ARHGAP10: variants seen among roughly 807,000 people sequenced by gnomAD.
ARHGAP10 encodes the protein rho GTPase-activating protein 10.
Under a neutral mutation model 108.6 loss-of-function variants are expected in ARHGAP10, and 87 were observed. The ratio of observed to expected loss-of-function variants is 0.80; its 90% confidence interval spans 0.67 to 0.96. The LOEUF is 0.96. ARHGAP10 is among the 40% of genes least tolerant of loss of function. ARHGAP10 has a pLI of 0.00. For synonymous variants in ARHGAP10, 347 were observed against 341.1 expected (o/e 1.02, Z -0.19); for missense variants, 939 against 954.5 (o/e 0.98, Z 0.21).
rs371787992 is a variant in ARHGAP10, at chr4:147,847,554, A to C, written c.384+332A>C. On this transcript the variant is annotated intron_variant, in intron 4 of 22. Coordinates refer to ENST00000336498, the MANE Select transcript of ARHGAP10 (RefSeq NM_024605.4). ...TTATTTCTGTGCGCACCTCAGTTTTATGGAGGAGTGTAGCATTACAGTAGG... is the reference window on the plus strand; with the variant it reads ...TTATTTCTGTGCGCACCTCAGTTTTCTGGAGGAGTGTAGCATTACAGTAGG... Among the ~76,000 whole-genome samples, 5 of 152,212 alleles carry C rather than the reference A, an allele frequency of 3.3e-5. No individual in the cohort carries two copies. The East Asian group carries it at 9.6e-4, about 29-fold the overall frequency.
At chr4:147,959,969 T>C (rs888491938) in intron 16 of ARHGAP10, among the ~76,000 whole-genome samples, 1 of 152,188 alleles carries the variant, frequency 6.6e-6, no homozygotes, top group Non-Finnish European at 1.5e-5. Flanking sequence ...TTCCAGACTT[T>C]TTAATTTTTG....
intron 3 of ARHGAP10, among the ~76,000 whole-genome samples, chr4:147,843,696 T>C (rs1174867214): frequency 6.6e-6 from 1 of 152,152 alleles, no homozygotes; most frequent in African/African-American, 2.4e-5. Context: ...TTTGTACTTT[T>C]AGTAGAGACA....
intron 1 of ARHGAP10, among the ~76,000 whole-genome samples, chr4:147,749,363 A>G (rs1057297437): frequency 6.6e-6 from 1 of 152,262 alleles, no homozygotes; most frequent in African/African-American, 2.4e-5. Flanking sequence ...AAAGAATTAA[A>G]TAGCAGTTTA....
At chr4:147,869,578 T>C (rs1033075252) in intron 7 of ARHGAP10, among the ~76,000 whole-genome samples, 11 of 149,328 alleles carry the variant, frequency 7.4e-5, no homozygotes, top group Non-Finnish European at 4.4e-5. Context: ...AATGACAGTT[T>C]ATTGAAAAAA....
chr4:148,023,543 A>G, intron 19 of ARHGAP10, 130 bp downstream of exon 19: 1 of 1,106,368 alleles, frequency 9.0e-7, no homozygotes, highest in East Asian at 2.8e-5. Context: ...TATAATTTTG[A>G]GATTTACAGG....
chr4:147,981,544 G>A (rs1739805448), intron 18 of ARHGAP10, among the ~76,000 whole-genome samples: 1 of 152,196 alleles, frequency 6.6e-6, no homozygotes, highest in Non-Finnish European at 1.5e-5. Flanking sequence ...TGGTTGTTGG[G>A]TATTCTGTAG....
At position 147,948,106 on chromosome 4, in the gene ARHGAP10, A is replaced by T. The variant is rs545334398; in HGVS notation, c.1391+1402A>T. Among the ~76,000 whole-genome samples, 226 of 151,928 alleles carry T rather than the reference A, an allele frequency of 1.5e-3. No homozygotes were observed. The Middle Eastern group carries it at 0.017, about 11-fold the overall frequency. On this transcript the variant is annotated intron_variant, in intron 15 of 22. Transcript: ENST00000336498. ...CAGGCACTCGCCACCATGTCCGGCT[A>T]ATTTTTTGGTATTTTTAAGTAGAGA...
At chr4:148,001,477 G>A (rs551861904) in intron 18 of ARHGAP10, among the ~76,000 whole-genome samples, 3 of 152,106 alleles carry the variant, frequency 2.0e-5, no homozygotes, top group African/African-American at 4.8e-5. Flanking sequence ...TGATGGGGAT[G>A]GCATTGAATC....
At chr4:147,819,165 C>G (rs1002026792) in intron 1 of ARHGAP10, among the ~76,000 whole-genome samples, 3 of 152,100 alleles carry the variant, frequency 2.0e-5, no homozygotes, top group Non-Finnish European at 2.9e-5. Context: ...TTTTAACTTT[C>G]CAGAGAACCT....
At chr4:147,813,106 T>C (rs999542617) in intron 1 of ARHGAP10, among the ~76,000 whole-genome samples, 1 of 152,188 alleles carries the variant, frequency 6.6e-6, no homozygotes, top group Non-Finnish European at 1.5e-5. Flanking sequence ...CCTGTTGCAA[T>C]TTTTTACATG....
chr4:147,912,530 A>C (rs1266129280), intron 12 of ARHGAP10, among the ~76,000 whole-genome samples: 2 of 143,334 alleles, frequency 1.4e-5, no homozygotes, highest in Non-Finnish European at 3.0e-5. Context: ...ACAAAAACAA[A>C]AAACAAACAA....
chr4:147,861,597 A>G (rs1734324736), intron 5 of ARHGAP10: 1 of 152,290 alleles, frequency 6.6e-6, no homozygotes, highest in African/African-American at 2.4e-5. Context: ...GGGGAACTTC[A>G]TTGAGCAACA....
At chr4:147,761,017 CT>C (rs11301771) in intron 1 of ARHGAP10, among the ~76,000 whole-genome samples, 11,680 of 141,112 alleles carry the variant, frequency 0.083, 907 homozygotes, top group African/African-American at 0.21. Context: ...TTAGAGTTAA[CT>C]TTTTTTTTTT....
Position 147,822,790 on chromosome 4 carries a change from G to C in ARHGAP10, c.218G>C (p.Gly73Ala). The change falls in exon 2 of 23, where the codon GGT becomes GCT. Residue 73 changes from glycine (G) to alanine (A), a missense_variant. By Grantham distance (60) the Gly-to-Ala change is moderately conservative. Transcript: ENST00000336498. Reference protein sequence around the residue: ...SLRDFKFEFIGDAVTDDERCI... With the variant: ...SLRDFKFEFIADAVTDDERCI... Reference sequence around the variant, plus strand: ...AGAGACTTTAAGTTTGAGTTTATCGGTGATGCTGTGACAGATGATGAACGA... The same window carrying C: ...AGAGACTTTAAGTTTGAGTTTATCGCTGATGCTGTGACAGATGATGAACGA... The C allele has an allele frequency of 6.2e-7, 1 of 1,614,226 alleles. No homozygotes were observed. Among genetic ancestry groups the C allele is most frequent in the Non-Finnish European group, 8.5e-7 (1 of 1,180,052 alleles).
chr4:147,793,310 A>ATG (rs1286070161), intron 1 of ARHGAP10, among the ~76,000 whole-genome samples: 4 of 95,682 alleles, frequency 4.2e-5, no homozygotes, highest in African/African-American at 1.2e-4. Context: ...ACACACATAT[A>ATG]TATATATATA....
intron 1 of ARHGAP10, among the ~76,000 whole-genome samples, chr4:147,763,187 T>C (rs1322560777): frequency 2.0e-5 from 3 of 152,212 alleles, no homozygotes; most frequent in East Asian, 1.9e-4. Flanking sequence ...ATGACTGTTT[T>C]TTTGTTATAT....
At chr4:147,853,976 G>T (rs1733984796) in intron 4 of ARHGAP10, among the ~76,000 whole-genome samples, 1 of 152,096 alleles carries the variant, frequency 6.6e-6, no homozygotes, top group African/African-American at 2.4e-5. Context: ...TTTAAACCCA[G>T]TGATGTGTAA....
intron 10 of ARHGAP10, among the ~76,000 whole-genome samples, chr4:147,903,064 T>C (rs72724361): frequency 5.7e-4 from 86 of 152,208 alleles, no homozygotes; most frequent in Non-Finnish European, 9.9e-4. Context: ...CTTTGGGAAT[T>C]GTAAATGCTA....
intron 20 of ARHGAP10, among the ~76,000 whole-genome samples, chr4:148,054,564 A>G (rs1729281570): frequency 6.6e-6 from 1 of 152,218 alleles, no homozygotes; most frequent in Non-Finnish European, 1.5e-5. Context: ...GCTCAGAGAG[A>G]GAACCTTTCT....
Sources: gnomAD v4.1 joint callset for allele counts (sites outside exome capture counted in the v4.1 genomes callset) on GRCh38, gnomAD v4.1.1 for gene constraint, MANE v1.5 for transcripts, NCBI Gene and HGNC (gene_info 2026-07-23, HGNC 2026-07-21) for gene names.